The following RNPEP variants were observed in gnomAD, a reference collection of about 807,000 sequenced individuals.
RNPEP encodes aminopeptidase B.
RNPEP carries 57 observed loss-of-function variants against 70.1 expected under a neutral mutation model. The ratio of observed to expected loss-of-function variants is 0.81; its 90% CI spans 0.66 to 1.01. The LOEUF (loss-of-function observed/expected upper bound fraction) is 1.01, where lower values mean the gene tolerates loss of function less well. Ranked by LOEUF, RNPEP falls within the 50% of genes least tolerant of loss-of-function variation. The pLI, the probability that RNPEP is intolerant of heterozygous loss-of-function variation, is 0.00. For synonymous variants in RNPEP, 335 were observed against 357.4 expected, an observed-to-expected ratio of 0.94 and a Z score of 0.71; for missense variants, 787 against 852.4, an observed-to-expected ratio of 0.92 and a Z score of 0.96.
At chr1:201,985,637 T>C (rs1683105926) in intron 1 of RNPEP, among the ~76,000 whole-genome samples, 1 of 152,150 alleles carries the variant, frequency 6.6e-6, no homozygotes, top group African/African-American at 2.4e-5. Context: ...ATTCCCCTCT[T>C]GCTACCATTT....
chr1:201,997,630 G>T, intron 5 of RNPEP, 76 bp downstream of exon 5: 1 of 1,157,540 alleles, frequency 8.6e-7, no homozygotes, highest in Non-Finnish European at 1.3e-6. Context: ...CTCCTTATGG[G>T]GTTTCAGAAT....
chr1:202,002,680 G>T (rs1432766260), intron 8 of RNPEP, among the ~76,000 whole-genome samples: 2 of 152,206 alleles, frequency 1.3e-5, no homozygotes, highest in African/African-American at 4.8e-5. Flanking sequence ...TTTAATGCGG[G>T]GACTCCGGAG....
intron 4 of RNPEP, among the ~76,000 whole-genome samples, chr1:201,996,879 G>T (rs1458834557): frequency 6.6e-6 from 1 of 152,118 alleles, no homozygotes; most frequent in East Asian, 1.9e-4. Flanking sequence ...TTGTTGACCT[G>T]TGTTTTCCCA....
intron 1 of RNPEP, among the ~76,000 whole-genome samples, chr1:201,988,189 A>G (rs1346604834): frequency 7.0e-6 from 1 of 143,440 alleles, no homozygotes; most frequent in Non-Finnish European, 1.5e-5. Flanking sequence ...GCTGAGCATG[A>G]TGGCTTATGC....
intron 3 of RNPEP, among the ~76,000 whole-genome samples, chr1:201,993,332 C>T (rs1683412218): frequency 1.3e-5 from 2 of 152,178 alleles, no homozygotes; most frequent in Admixed American, 1.3e-4. Flanking sequence ...TGTGGTGGCT[C>T]ACGCTTGTAA....
At chr1:202,000,397 G>A (rs1426243845) in intron 6 of RNPEP, 2 of 169,866 alleles carry the variant, frequency 1.2e-5, no homozygotes, top group South Asian at 1.5e-4. Flanking sequence ...TAAGTGTCTT[G>A]TCCAGGTCAT....
chr1:202,001,275 T>C, intron 6 of RNPEP, 101 bp from the exon 7 acceptor site: 1 of 804,532 alleles, frequency 1.2e-6, no homozygotes, highest in Non-Finnish European at 2.1e-6. Context: ...AGCTGAATTC[T>C]GATCTCTTCC....
At chr1:201,993,546 G>A (rs898074280) in intron 3 of RNPEP, among the ~76,000 whole-genome samples, 6 of 151,342 alleles carry the variant, frequency 4.0e-5, no homozygotes, top group Admixed American at 2.6e-4. Flanking sequence ...GCAGTGAGCC[G>A]AGATTGCACT....
At chr1:201,989,178 ATTC>A (rs749123980) in intron 2 of RNPEP, 134 bp downstream of exon 2, 2 of 1,312,676 alleles carry the variant, frequency 1.5e-6, no homozygotes, top group Non-Finnish European at 2.1e-6. Flanking sequence ...TTACTTTTAA[ATTC>A]TTCCACCTAC....
chr1:201,986,166 A>G (rs1041665680), intron 1 of RNPEP, among the ~76,000 whole-genome samples: 2 of 152,208 alleles, frequency 1.3e-5, no homozygotes, highest in African/African-American at 4.8e-5. Context: ...TTGGGCTCAA[A>G]CAAACAATTC....
intron 8 of RNPEP, 46 bp downstream of exon 8, chr1:202,001,813 ATG>A (rs1370025557): frequency 8.6e-6 from 10 of 1,162,880 alleles, no homozygotes; most frequent in Non-Finnish European, 1.3e-5. Flanking sequence ...ATAGTAGAGA[ATG>A]AGATCTCATT....
intron 9 of RNPEP, among the ~76,000 whole-genome samples, chr1:202,003,978 G>T (rs1161800304): frequency 1.3e-5 from 2 of 152,214 alleles, no homozygotes; most frequent in Non-Finnish European, 2.9e-5. Context: ...TTAGAGCCAA[G>T]ATGACTTTTA....
chr1:202,004,836 G>A (rs1411688514), intron 10 of RNPEP, among the ~76,000 whole-genome samples: 2 of 152,234 alleles, frequency 1.3e-5, no homozygotes, highest in Non-Finnish European at 2.9e-5. Context: ...GGAGCAAGAG[G>A]AACAAAGGCT....
intron 5 of RNPEP, among the ~76,000 whole-genome samples, chr1:201,999,210 C>G (rs1209785953): frequency 7.0e-6 from 1 of 143,862 alleles, no homozygotes; most frequent in Non-Finnish European, 1.5e-5. Context: ...GAGCGAGACT[C>G]TGTCTCAAAA....
At chr1:201,993,850 T>C (rs1490366724) in intron 3 of RNPEP, among the ~76,000 whole-genome samples, 1 of 152,094 alleles carries the variant, frequency 6.6e-6, no homozygotes, top group East Asian at 1.9e-4. Flanking sequence ...TGTCCTTCCC[T>C]CTGTAGCCAG....
rs1682996450 is a variant in RNPEP, at chr1:201,983,049, A to G, written c.383A>G (p.Gln128Arg). 6.5e-7 allele frequency: 1 copy of G among 1,527,218 alleles called. No homozygotes were observed. The highest frequency in any genetic ancestry group is 8.8e-7 in the Non-Finnish European group (1 of 1,141,374). The allele number at this position is 1,527,218 out of a possible 1,614,324, so 94.6% of individuals were successfully genotyped here. A position where few individuals can be genotyped will look rare whatever the true frequency, so the allele number is the denominator to read the frequency against. ...CAGGCCCTGTGCGTGTCCTTCCCGC[A>G]GCCCTGCCGCGCCGCCGAGCGCCTC... ...YGQALCVSFP[Q>R]PCRAAERLQV... Residue 128 changes from glutamine to arginine, a missense_variant, in exon 1 of 11, where the codon CAG becomes CGG. Transcript: ENST00000295640.
At chr1:201,993,712 G>A (rs998468656) in intron 3 of RNPEP, among the ~76,000 whole-genome samples, 2 of 152,134 alleles carry the variant, frequency 1.3e-5, no homozygotes, top group Admixed American at 1.3e-4. Context: ...CCGGGAGGTG[G>A]AGCTTGCAGT....
At chr1:201,996,412 A>T in intron 4 of RNPEP, 149 bp downstream of exon 4, 2 of 637,482 alleles carry the variant, frequency 3.1e-6, no homozygotes, top group East Asian at 2.9e-5. Context: ...AGAGGAGGGT[A>T]TGAGCCAGGC....
chr1:201,993,787 A>G (rs1360545671), intron 3 of RNPEP, among the ~76,000 whole-genome samples: 2 of 152,050 alleles, frequency 1.3e-5, no homozygotes, highest in Non-Finnish European at 2.9e-5. Context: ...TCAACAAACA[A>G]ACAAACAACT....
Sources: allele counts gnomAD v4.1 joint callset (sites outside exome capture counted in the v4.1 genomes callset), GRCh38; gene constraint gnomAD v4.1.1; transcripts MANE v1.5; gene names NCBI Gene and HGNC (gene_info 2026-07-23, HGNC 2026-07-21).